The following SCD5 variants were observed in gnomAD, a reference collection of about 807,000 sequenced individuals.
SCD5 encodes stearoyl-CoA desaturase 5.
Under a neutral mutation model 30.4 loss-of-function variants are expected in SCD5, and 20 were observed. The ratio of observed to expected loss-of-function variants is 0.66; its 90% CI spans 0.46 to 0.96. The LOEUF (loss-of-function observed/expected upper bound fraction) is 0.96. SCD5 is among the 40% of genes least tolerant of loss of function. The probability of loss-of-function intolerance (pLI) is 0.00; values close to 1 mark genes in which losing one functional copy is unlikely to be tolerated. For synonymous variants in SCD5, 173 were observed against 176.4 expected, an observed-to-expected ratio of 0.98 and a Z score of 0.16; for missense variants, 381 against 443.3, an observed-to-expected ratio of 0.86 and a Z score of 1.26.
At chr4:82,722,133 G>C (rs532178572) in intron 1 of SCD5, among the ~76,000 whole-genome samples, 3 of 152,210 alleles carry the variant, frequency 2.0e-5, no homozygotes, top group Non-Finnish European at 4.4e-5. Context: ...TTTGCAGATG[G>C]TATGGCTGTC....
chr4:82,739,592 A>G (rs1435898197), intron 1 of SCD5, among the ~76,000 whole-genome samples: 2 of 152,242 alleles, frequency 1.3e-5, no homozygotes, highest in Non-Finnish European at 1.5e-5. Context: ...TCACGCACAC[A>G]AAACTCACCC....
intron 1 of SCD5, among the ~76,000 whole-genome samples, chr4:82,768,704 C>G (rs760065115): frequency 5.3e-4 from 80 of 152,020 alleles, no homozygotes; most frequent in Non-Finnish European, 1.0e-3. Flanking sequence ...AGTAAAGGTG[C>G]GAGTCAAAGA....
At chr4:82,709,562 G>T (rs72916873) in intron 1 of SCD5, among the ~76,000 whole-genome samples, 2 of 152,196 alleles carry the variant, frequency 1.3e-5, no homozygotes, top group Non-Finnish European at 2.9e-5. Context: ...TAAAAGATAA[G>T]AAGTCAACTG....
At chr4:82,663,040 A>G (rs1728052921) in intron 3 of SCD5, among the ~76,000 whole-genome samples, 1 of 152,184 alleles carries the variant, frequency 6.6e-6, no homozygotes, top group African/African-American at 2.4e-5. Flanking sequence ...GCTTAGATGT[A>G]GAAAGTCACT....
intron 2 of SCD5, 106 bp downstream of exon 2, chr4:82,705,177 A>G: frequency 6.4e-6 from 9 of 1,401,706 alleles, no homozygotes; most frequent in Non-Finnish European, 8.8e-6. Flanking sequence ...GGGCCTGAAC[A>G]CTGAGTCTAG....
At chr4:82,642,878 T>C (rs1727572840) in intron 3 of SCD5, among the ~76,000 whole-genome samples, 1 of 152,226 alleles carries the variant, frequency 6.6e-6, no homozygotes, top group African/African-American at 2.4e-5. Flanking sequence ...CCTCGTCCCA[T>C]CCTTTCTTTC....
intron 2 of SCD5, among the ~76,000 whole-genome samples, chr4:82,700,880 G>A (rs1719821209): frequency 6.8e-6 from 1 of 147,694 alleles, no homozygotes; most frequent in Non-Finnish European, 1.5e-5. Context: ...TACTTGCCTT[G>A]CAAAAAATGG....
intron 2 of SCD5, among the ~76,000 whole-genome samples, chr4:82,696,796 A>G (rs141182713): frequency 2.0e-5 from 3 of 152,334 alleles, no homozygotes; most frequent in African/African-American, 7.2e-5. Context: ...TGCAATGACA[A>G]TGTGCTGTCT....
chr4:82,715,384 C>T lies in SCD5; in HGVS notation c.233-9971G>A, dbSNP rs541311542. ...ACACACACCCTCCCTTCTCATGCTG[C>T]TCTGTGCCCCAGGAGGCCGGCCTGT... is the stretch of plus-strand genomic sequence containing the variant. On this transcript the variant is annotated intron_variant, in intron 1 of 4. Transcript: ENST00000319540. 2.0e-5 allele frequency among the ~76,000 whole-genome samples: 3 copies of T among 151,738 alleles called. No individual in the cohort carries two copies. The South Asian group carries it at 6.2e-4, about 32-fold the overall frequency.
chr4:82,654,877 A>G (rs1186457830), intron 3 of SCD5, among the ~76,000 whole-genome samples: 1 of 151,650 alleles, frequency 6.6e-6, no homozygotes, highest in Non-Finnish European at 1.5e-5. Context: ...ATATCTAGAA[A>G]TAAACCAAAA....
intron 2 of SCD5, among the ~76,000 whole-genome samples, chr4:82,685,345 T>C (rs1196827218): frequency 1.3e-5 from 2 of 152,122 alleles, no homozygotes; most frequent in Non-Finnish European, 2.9e-5. Flanking sequence ...AACTAATATT[T>C]TCTTAGTAGC....
intron 3 of SCD5, among the ~76,000 whole-genome samples, chr4:82,665,051 T>TATAC (rs1296922624): frequency 0.14 from 11,004 of 79,620 alleles, 1,433 homozygotes; most frequent in African/African-American, 0.38. Context: ...CACACATATA[T>TATAC]ACACACACAC....
At chr4:82,663,986 T>C (rs1253967104) in intron 3 of SCD5, among the ~76,000 whole-genome samples, 1 of 152,158 alleles carries the variant, frequency 6.6e-6, no homozygotes, top group Non-Finnish European at 1.5e-5. Flanking sequence ...TGCCTAAGAC[T>C]GATACTGGAC....
intron 3 of SCD5, among the ~76,000 whole-genome samples, chr4:82,666,832 A>AT (rs879764168): frequency 6.6e-6 from 1 of 152,208 alleles, no homozygotes; most frequent in Non-Finnish European, 1.5e-5. Context: ...GGAAGCCAAG[A>AT]TTTAGAATTC....
intron 3 of SCD5, chr4:82,660,611 A>T: frequency 7.6e-7 from 1 of 1,309,664 alleles, no homozygotes; most frequent in Non-Finnish European, 9.8e-7. Flanking sequence ...GGTAGGTATC[A>T]TTATTACCCT....
At chr4:82,678,392 GA>G (rs1297160763) in intron 3 of SCD5, among the ~76,000 whole-genome samples, 7 of 151,728 alleles carry the variant, frequency 4.6e-5, no homozygotes, top group African/African-American at 1.5e-4. Context: ...GAGAAAAGAT[GA>G]AAAAAAATCT....
intron 2 of SCD5, chr4:82,698,211 C>G: frequency 2.3e-6 from 1 of 439,592 alleles, no homozygotes; most frequent in East Asian, 7.0e-5. Flanking sequence ...AAGGTGGCAA[C>G]ACTGAAACAG....
chr4:82,787,698 C>G (rs891764419), intron 1 of SCD5, among the ~76,000 whole-genome samples: 30 of 151,976 alleles, frequency 2.0e-4, no homozygotes, highest in African/African-American at 6.5e-4. Context: ...AGGATGGAAC[C>G]ATCAGGAATG....
At chr4:82,696,802 T>C (rs554886592) in intron 2 of SCD5, among the ~76,000 whole-genome samples, 2 of 152,356 alleles carry the variant, frequency 1.3e-5, no homozygotes, top group South Asian at 4.1e-4. Context: ...GACAATGTGC[T>C]GTCTCATCCC....
Sources: allele counts gnomAD v4.1 joint callset (sites outside exome capture counted in the v4.1 genomes callset), GRCh38; gene constraint gnomAD v4.1.1; transcripts MANE v1.5; gene names NCBI Gene and HGNC (gene_info 2026-07-23, HGNC 2026-07-21).